PDIA6: variants seen among roughly 807,000 people sequenced by gnomAD.
The protein encoded by PDIA6 is protein disulfide-isomerase A6.
Under a neutral mutation model 58.4 loss-of-function variants are expected in PDIA6, and 29 were observed. That is an observed-to-expected ratio of 0.50 (90% CI 0.37 to 0.68). PDIA6 has a LOEUF of 0.68. PDIA6 is among the 30% of genes least tolerant of loss of function. The pLI, the probability that PDIA6 is intolerant of heterozygous loss-of-function variation, is 0.00. For synonymous variants in PDIA6, 192 were observed against 202.6 expected (o/e 0.95, Z 0.44); for missense variants, 480 against 551.0 (o/e 0.87, Z 1.29).
chr2:10,797,763 G>A lies in PDIA6; in HGVS notation c.162-6C>T, dbSNP rs764571396. On this transcript the variant is annotated splice_polypyrimidine_tract_variant and splice_region_variant and intron_variant, in intron 2 of 12. Coordinates refer to ENST00000272227, the MANE Select transcript of PDIA6 (RefSeq NM_005742.4). Reference sequence around the variant, plus strand: ...ATCTTTGACAGTGACCACACCTTTTGGGGGAAGACAACACAAAGCAACCAT... The same window carrying A: ...ATCTTTGACAGTGACCACACCTTTTAGGGGAAGACAACACAAAGCAACCAT... 3.2e-5 allele frequency: 51 copies of A among 1,606,816 alleles called. No homozygotes were observed. The highest frequency in any genetic ancestry group is 1.5e-4 in the Admixed American group (9 of 58,844).
chr2:10,835,299 G>A (rs542454878), upstream of PDIA6, among the ~76,000 whole-genome samples: 8 of 152,290 alleles, frequency 5.3e-5, no homozygotes, highest in South Asian at 1.7e-3. Flanking sequence ...CACAGGGCTG[G>A]CAGGCGGGTG....
At chr2:10,787,504 G>A (rs1327705545) in intron 10 of PDIA6, 65 bp from the exon 11 acceptor site, 2 of 1,398,480 alleles carry the variant, frequency 1.4e-6, no homozygotes, top group Non-Finnish European at 2.0e-6. Context: ...CTAACTAGAA[G>A]ATCTTAGAGA....
rs1042638389 is a variant in PDIA6 at position 10,784,741 on chromosome 2, T to G, written c.1254+193A>C. On this transcript the variant is annotated intron_variant, in intron 12 of 12. Transcript: ENST00000272227. ...AAATGTATCTTGGCTGTCAAGAGTA[T>G]CAAATGCCATGCAGCACTTAAACTT... 2.0e-4 allele frequency: 111 copies of G among 563,038 alleles called. 1 individual carries two copies. Among genetic ancestry groups the G allele is most frequent in the Non-Finnish European group, 3.1e-4 (98 of 318,926 alleles). 34.9% of individuals were successfully genotyped at this position (563,038 alleles called of 1,614,324 possible).
chr2:10,791,733 T>A, intron 6 of PDIA6, 62 bp downstream of exon 6: 13 of 1,477,932 alleles, frequency 8.8e-6, no homozygotes, highest in Middle Eastern at 1.8e-4. Context: ...TCTTTCAAAA[T>A]AAGCTAATGA....
chr2:10,828,914 G>C (rs1346954996), intron 1 of PDIA6, among the ~76,000 whole-genome samples: 1 of 152,122 alleles, frequency 6.6e-6, no homozygotes, highest in African/African-American at 2.4e-5. Flanking sequence ...TTGCCTGCTA[G>C]GGTGCCCGCT....
In PDIA6 at chr2:10,783,423, C is replaced by T. The variant is rs753318318; in HGVS notation, c.*835G>A. On this transcript the variant is annotated 3_prime_UTR_variant, in exon 13 of 13. Coordinates refer to ENST00000272227, the MANE Select transcript of PDIA6 (RefSeq NM_005742.4). ...CAGTTGTATTTATTTTTTTAAGTTA[C>T]AATAAAATGCTCTCAAGTCCTTTGA... is the stretch of plus-strand genomic sequence containing the variant. 5.9e-6 allele frequency: 3 copies of T among 512,094 alleles called. No individual in the cohort carries two copies. The highest frequency in any genetic ancestry group is 7.4e-5 in the Admixed American group (2 of 27,152). The allele number at this position is 512,094 out of a possible 1,614,324, so 31.7% of individuals were successfully genotyped here.
At chr2:10,800,028 C>T (rs560455049) in intron 2 of PDIA6, among the ~76,000 whole-genome samples, 3 of 151,932 alleles carry the variant, frequency 2.0e-5, no homozygotes, top group African/African-American at 2.4e-5. Context: ...AATCTGTAAT[C>T]GAAATTTAGA....
rs1439227398 is a variant in PDIA6, at chr2:10,812,739, T to C, written c.-43A>G. 6.8e-7 allele frequency: 1 copy of C among 1,477,624 alleles called. No individual in the cohort carries two copies. Among genetic ancestry groups the C allele is most frequent in the Admixed American group, 2.2e-5 (1 of 44,542 alleles). 91.5% of individuals were successfully genotyped at this position (1,477,624 alleles called of 1,614,324 possible). ...GTGCAGTCCCCACCGCCGCCGCCGC[T>C]TCAGCCCTGCAGCGTGCCGCACGCC... On this transcript the variant is annotated 5_prime_UTR_variant, in exon 1 of 13. Transcript: ENST00000272227.
At chr2:10,784,764 C>T in intron 12 of PDIA6, 170 bp downstream of exon 12, 1 of 580,436 alleles carries the variant, frequency 1.7e-6, no homozygotes, top group South Asian at 2.2e-5. Flanking sequence ...AGCACTTAAA[C>T]TTGTGATAAG....
chr2:10,819,274 C>T (rs775446816), exon 2 of PDIA6: 48 of 1,514,326 alleles, frequency 3.2e-5, no homozygotes, highest in East Asian at 4.9e-5. Context: ...CTCTACTTAC[C>T]GGGTGCATTA....
intron 6 of PDIA6, 62 bp from the exon 7 acceptor site, chr2:10,790,895 G>C: frequency 8.1e-7 from 1 of 1,237,960 alleles, no homozygotes; most frequent in South Asian, 1.2e-5. Context: ...TGTTGCCCAG[G>C]CTGGAGTGCA....
chr2:10,831,707 C>T (rs149588504), intron 1 of PDIA6, among the ~76,000 whole-genome samples: 1 of 152,284 alleles, frequency 6.6e-6, no homozygotes, highest in Non-Finnish European at 1.5e-5. Context: ...ACCAACGTCT[C>T]CTTCATCGCG....
chr2:10,798,961 C>T (rs769779857), intron 2 of PDIA6, among the ~76,000 whole-genome samples: 3 of 151,998 alleles, frequency 2.0e-5, no homozygotes, highest in Non-Finnish European at 4.4e-5. Flanking sequence ...CCTAACAAGC[C>T]GAAAAGCATG....
chr2:10,820,685 C>A lies in PDIA6; in HGVS notation c.-47-1331G>T, dbSNP rs947168967. ...TCGAGGACTCTTTTGTCCTCACTAT[C>A]TGTCTAAATAATTTCTTTCTACCTC... On this transcript the variant is annotated intron_variant, in intron 1 of 13. Coordinates refer to the PDIA6 transcript ENST00000381611. The A allele has an allele frequency of 2.0e-5, 14 of 685,496 alleles. 1 individual carries two copies. Among genetic ancestry groups the A allele is most frequent in the Non-Finnish European group, 3.7e-5 (14 of 374,582 alleles). 42.5% of individuals were successfully genotyped at this position (685,496 alleles called of 1,614,324 possible).
chr2:10,806,352 G>A (rs1156471530), intron 1 of PDIA6, among the ~76,000 whole-genome samples: 1 of 145,444 alleles, frequency 6.9e-6, no homozygotes, highest in East Asian at 2.0e-4. Flanking sequence ...AGCCTGATAG[G>A]GCAAGACCTT....
chr2:10,828,353 G>A (rs1214949201), intron 1 of PDIA6, among the ~76,000 whole-genome samples: 1 of 152,168 alleles, frequency 6.6e-6, no homozygotes, highest in Non-Finnish European at 1.5e-5. Flanking sequence ...AGTTTCAGAG[G>A]GTGAGGAAGA....
chr2:10,812,124 G>T (rs2357822), intron 1 of PDIA6, among the ~76,000 whole-genome samples: 73,497 of 151,814 alleles, frequency 0.48, 19,445 homozygotes, highest in South Asian at 0.58. Context: ...TGGTCAGGCT[G>T]GTCTCGAACT....
At chr2:10,818,822 C>T (rs10192112) in intron 2 of PDIA6, among the ~76,000 whole-genome samples, 18,551 of 151,928 alleles carry the variant, frequency 0.12, 1,377 homozygotes, top group African/African-American at 0.2. Context: ...CATACCTGGC[C>T]TTTAACCATT....
upstream of PDIA6, chr2:10,812,920 A>G (rs1667072909): frequency 2.0e-6 from 2 of 980,938 alleles, no homozygotes; most frequent in Non-Finnish European, 2.5e-6. Context: ...GCGGCCGGGT[A>G]GAGGTTACCG....
Sources: gnomAD v4.1 joint callset for allele counts (sites outside exome capture counted in the v4.1 genomes callset) on GRCh38, gnomAD v4.1.1 for gene constraint, MANE v1.5 for transcripts, NCBI Gene and HGNC (gene_info 2026-07-23, HGNC 2026-07-21) for gene names.